Variants in TUT4 observed in about 807,000 individuals in gnomAD.
The protein encoded by TUT4 is terminal uridylyltransferase 4.
TUT4 carries 36 observed loss-of-function variants against 192.2 expected under a neutral mutation model. The observed-to-expected ratio is 0.19, with a 90% CI of 0.14 to 0.25. TUT4 has a LOEUF of 0.25. Among genes scored for constraint, TUT4 ranks in the 10% least tolerant of loss-of-function variants. TUT4 has a pLI of 1.00. For synonymous variants in TUT4, 618 were observed against 666.0 expected (o/e 0.93, Z 1.11); for missense variants, 1,493 against 1,957.2 (o/e 0.76, Z 4.47).
Position 52,436,861 on chromosome 1 carries a change from A to G in TUT4, c.4056T>C (p.Phe1352=), listed in dbSNP as rs1266966124. 3 of 1,613,374 alleles carry G rather than the reference A, an allele frequency of 1.9e-6. No individual in the cohort carries two copies. In the South Asian group the frequency reaches 3.3e-5, roughly 18 times the overall value. The change falls in exon 26 of 30, where the codon TTT becomes TTC. Residue 1352 remains phenylalanine, a synonymous_variant. Transcript: ENST00000257177. ...DPRDLHDTRD[F]RDPRDLRCFI... Reference sequence around the variant, plus strand: ...AACATCTGAGGTCTCTCGGGTCTCTAAAGTCTCGAGTATCGTGGAGGTCTC... The same window carrying G: ...AACATCTGAGGTCTCTCGGGTCTCTGAAGTCTCGAGTATCGTGGAGGTCTC...
intron 2 of TUT4, among the ~76,000 whole-genome samples, chr1:52,525,250 T>C (rs1012792227): frequency 2.6e-5 from 4 of 152,204 alleles, no homozygotes; most frequent in Admixed American, 2.0e-4. Context: ...AGCAATACCT[T>C]ATCAAGACCA....
intron 9 of TUT4, 60 bp from the exon 10 acceptor site, chr1:52,481,983 G>GT: frequency 7.2e-7 from 1 of 1,386,276 alleles, no homozygotes; most frequent in Non-Finnish European, 9.4e-7. Context: ...CATGATAAAA[G>GT]TAGCTTGCTT....
chr1:52,553,103 G>C (rs1436381333), upstream of TUT4: 1 of 154,400 alleles, frequency 6.5e-6, no homozygotes, highest in African/African-American at 2.4e-5. Flanking sequence ...GCATTGTGGG[G>C]GGGAAGGGAT....
chr1:52,445,750 AAAG>A, intron 24 of TUT4, 34 bp downstream of exon 24: 1 of 1,478,606 alleles, frequency 6.8e-7, no homozygotes, highest in Non-Finnish European at 9.3e-7. Flanking sequence ...CTATTTAAAA[AAAG>A]AAAAGATTCA....
At position 52,436,779 on chromosome 1, in the gene TUT4, G is replaced by T; in HGVS notation, c.4138C>A (p.Arg1380Ser). 1 of 1,613,488 alleles carries T rather than the reference G, an allele frequency of 6.2e-7. No homozygotes were observed. The highest frequency in any genetic ancestry group is 8.5e-7 in the Non-Finnish European group (1 of 1,179,996). ...CCTGCCACACTGCTATTCCTCTGAC[G>T]GGCCAGCTTGACCTCTGGGCACTCC... is the stretch of plus-strand genomic sequence containing the variant. The part of the protein sequence containing the change: ...RRECPEVKLA[R>S]QRNSSVAAAQ... The change falls in exon 26 of 30, where the codon CGT (arginine) becomes AGT (serine). Residue 1380 changes from arginine to serine, a missense_variant. Physicochemically the swap from Arg to Ser is moderately radical, Grantham distance 110. Around this residue, in one of 7 missense-constraint regions of TUT4, gnomAD observed 351 missense variants for 397.8 expected, o/e 0.88. Coordinates refer to ENST00000257177, the MANE Select transcript of TUT4 (RefSeq NM_001009881.3).
chr1:52,514,472 C>T (rs189253700), intron 3 of TUT4, among the ~76,000 whole-genome samples: 190 of 152,062 alleles, frequency 1.2e-3, no homozygotes, highest in African/African-American at 4.2e-3. Context: ...AGTATAAGAG[C>T]AAATTGCAAA....
At chr1:52,540,503 AG>A (rs146351410) in intron 1 of TUT4, among the ~76,000 whole-genome samples, 13,011 of 150,264 alleles carry the variant, frequency 0.087, 710 homozygotes, top group East Asian at 0.2. Flanking sequence ...CGAAAGAGCA[AG>A]ACTCCGACTC....
chr1:52,458,599 T>TG, intron 19 of TUT4, 150 bp from the exon 20 acceptor site: 1 of 532,388 alleles, frequency 1.9e-6, no homozygotes, highest in Non-Finnish European at 3.2e-6. Context: ...CCCAACACTC[T>TG]GGGAGGTTGA....
intron 9 of TUT4, among the ~76,000 whole-genome samples, chr1:52,485,983 C>T (rs1167372061): frequency 6.6e-6 from 1 of 151,848 alleles, no homozygotes; most frequent in African/African-American, 2.4e-5. Context: ...TTTAAGATTG[C>T]AACTCAAAAT....
intron 16 of TUT4, chr1:52,463,512 C>T: frequency 1.3e-5 from 14 of 1,088,916 alleles, no homozygotes; most frequent in Non-Finnish European, 1.6e-5. Flanking sequence ...TAGAAAAGCA[C>T]ACTATTCTGC....
chr1:52,537,329 G>A (rs967090312), intron 1 of TUT4, among the ~76,000 whole-genome samples: 10 of 152,012 alleles, frequency 6.6e-5, no homozygotes, highest in African/African-American at 2.4e-4. Flanking sequence ...GAGAGAGCTG[G>A]GGCTAAATTA....
At chr1:52,482,165 T>C (rs1446011132) in intron 9 of TUT4, among the ~76,000 whole-genome samples, 1 of 152,196 alleles carries the variant, frequency 6.6e-6, no homozygotes, top group Admixed American at 6.5e-5. Flanking sequence ...ATATTACATG[T>C]AGTTATTTTA....
Position 52,423,972 on chromosome 1 carries a change from C to T in TUT4, c.4901G>A (p.Arg1634His), listed in dbSNP as rs200312936. ...GTTTCCTCTTGGTGGGTGGGGACAACGCTCTCTACACCGACGGGTGGCACA... is the reference window on the plus strand; with the variant it reads ...GTTTCCTCTTGGTGGGTGGGGACAATGCTCTCTACACCGACGGGTGGCACA... ...DRCATRRCRE[R>H]CPHPPRGNVS... Residue 1634 changes from arginine (R) to histidine (H), a missense_variant, in exon 30 of 30, where the codon CGT becomes CAT. Arg to His is a conservative substitution (Grantham distance 29). Around this residue, in one of 7 missense-constraint regions of TUT4, gnomAD observed 351 missense variants for 397.8 expected, o/e 0.88. Transcript: ENST00000257177. 31 of 1,613,056 alleles carry T rather than the reference C, an allele frequency of 1.9e-5. No individual in the cohort carries two copies. Among genetic ancestry groups the T allele is most frequent in the Middle Eastern group, 1.6e-4 (1 of 6,062 alleles).
At chr1:52,514,342 G>A (rs1678112129) in intron 3 of TUT4, among the ~76,000 whole-genome samples, 1 of 152,198 alleles carries the variant, frequency 6.6e-6, no homozygotes, top group Non-Finnish European at 1.5e-5. Flanking sequence ...TTAAGAGGCT[G>A]AGGCAGGAGA....
chr1:52,445,393 C>A (rs1480171907), intron 24 of TUT4, among the ~76,000 whole-genome samples: 1 of 152,128 alleles, frequency 6.6e-6, no homozygotes, highest in Non-Finnish European at 1.5e-5. Flanking sequence ...ATCGAGATTT[C>A]TGAAGATAAA....
chr1:52,423,877 A>C lies in TUT4; in HGVS notation c.*58T>G, dbSNP rs961056979. On this transcript the variant is annotated 3_prime_UTR_variant, in exon 30 of 30. Coordinates refer to ENST00000257177, the MANE Select transcript of TUT4 (RefSeq NM_001009881.3). Reference sequence around the variant, plus strand: ...ATTGAGGTACGGATACCCTTGAGACAGCAGGATTGGCTGGTTGCTGTGCAT... The same window carrying C: ...ATTGAGGTACGGATACCCTTGAGACCGCAGGATTGGCTGGTTGCTGTGCAT... The C allele has an allele frequency of 1.9e-6, 3 of 1,595,202 alleles. No homozygotes were observed. In the African/African-American group the frequency reaches 4.0e-5, roughly 21 times the overall value.
chr1:52,513,770 T>G (rs957638995), intron 3 of TUT4, among the ~76,000 whole-genome samples: 3 of 152,186 alleles, frequency 2.0e-5, no homozygotes, highest in Non-Finnish European at 2.9e-5. Flanking sequence ...TTTTCTTATT[T>G]GCTTATGTGT....
intron 2 of TUT4, among the ~76,000 whole-genome samples, chr1:52,520,172 A>G (rs1217571343): frequency 6.6e-6 from 1 of 152,206 alleles, no homozygotes; most frequent in African/African-American, 2.4e-5. Context: ...CGGATGGAGC[A>G]GAGAGAAAGG....
chr1:52,472,852 C>CTG (rs1666134321), intron 13 of TUT4, among the ~76,000 whole-genome samples: 1 of 151,948 alleles, frequency 6.6e-6, no homozygotes, highest in African/African-American at 2.4e-5. Context: ...TGTAATATGC[C>CTG]TACATCCTAA....
Sources: allele counts gnomAD v4.1 joint callset (sites outside exome capture counted in the v4.1 genomes callset), GRCh38; gene constraint gnomAD v4.1.1; regional missense constraint gnomAD v4.1.1; transcripts MANE v1.5; gene names NCBI Gene and HGNC (gene_info 2026-07-23, HGNC 2026-07-21).